Variants in DTNA observed in about 807,000 individuals in gnomAD.
DTNA encodes the protein dystrobrevin alpha.
Under a neutral mutation model 100.7 loss-of-function variants are expected in DTNA, and 43 were observed. The ratio of observed to expected loss-of-function variants is 0.43; its 90% CI spans 0.33 to 0.55. The LOEUF is 0.55. Ranked by LOEUF, DTNA falls within the 20% of genes least tolerant of loss-of-function variation. The probability of loss-of-function intolerance (pLI) is 0.04; values close to 1 mark genes in which losing one functional copy is unlikely to be tolerated. For synonymous variants in DTNA, 349 were observed against 347.9 expected (o/e 1.00, Z -0.04); for missense variants, 798 against 953.9 (o/e 0.84, Z 2.15).
At chr18:34,504,768 C>A (rs1053270123) in intron 1 of DTNA, among the ~76,000 whole-genome samples, 11 of 151,942 alleles carry the variant, frequency 7.2e-5, no homozygotes, top group African/African-American at 2.7e-4. Context: ...ACTTTTTTGT[C>A]TTTAATTTTC....
rs1197038874 is a variant in DTNA at position 34,866,316 on chromosome 18, A to G, written c.1743+2254A>G. Reference sequence around the variant, plus strand: ...GAGATATATAAATTTAGCATTTTTTATAACTATCACTACTATCCACATCAA... The same window carrying G: ...GAGATATATAAATTTAGCATTTTTTGTAACTATCACTACTATCCACATCAA... On this transcript the variant is annotated intron_variant, in intron 17 of 22. Transcript: ENST00000444659. 2.7e-6 allele frequency: 4 copies of G among 1,479,624 alleles called. No homozygotes were observed. In the Admixed American group the frequency reaches 9.5e-5, roughly 35 times the overall value. The allele number at this position is 1,479,624 out of a possible 1,614,324, so 91.7% of individuals were successfully genotyped here. A position where few individuals can be genotyped will look rare whatever the true frequency, so the allele number is the denominator to read the frequency against.
chr18:34,626,659 G>C (rs985769904), intron 1 of DTNA, among the ~76,000 whole-genome samples: 1 of 152,118 alleles, frequency 6.6e-6, no homozygotes, highest in African/African-American at 2.4e-5. Context: ...GGGAAGATCA[G>C]TTCAATTTCC....
chr18:34,510,462 A>T, intron 1 of DTNA, among the ~76,000 whole-genome samples: 1 of 151,636 alleles, frequency 6.6e-6, no homozygotes, highest in East Asian at 1.9e-4. Context: ...AAGACTGCAT[A>T]TTTCAGCTTT....
chr18:34,667,031 G>T (rs557224351), intron 1 of DTNA, among the ~76,000 whole-genome samples: 16 of 152,168 alleles, frequency 1.1e-4, no homozygotes, highest in Non-Finnish European at 1.9e-4. Flanking sequence ...CCATTTTCAC[G>T]ATATTGATTC....
At chr18:34,871,397 G>A (rs908072764) in intron 17 of DTNA, among the ~76,000 whole-genome samples, 3 of 152,150 alleles carry the variant, frequency 2.0e-5, no homozygotes, top group Admixed American at 6.5e-5. Context: ...TTTTAAATTT[G>A]CCAAGTGTGA....
chr18:34,755,904 C>A, intron 1 of DTNA, 72 bp from the exon 2 acceptor site: 1 of 1,339,250 alleles, frequency 7.5e-7, no homozygotes, highest in Non-Finnish European at 1.1e-6. Flanking sequence ...ACAGCAAGTA[C>A]GTTTACAGAG....
chr18:34,810,496 A>G (rs2095464001), intron 5 of DTNA, among the ~76,000 whole-genome samples: 1 of 149,928 alleles, frequency 6.7e-6, no homozygotes, highest in Non-Finnish European at 1.5e-5. Flanking sequence ...AACTGAACTC[A>G]TGGAAGTAGA....
intron 15 of DTNA, among the ~76,000 whole-genome samples, chr18:34,854,934 A>G (rs1386019103): frequency 6.6e-6 from 1 of 152,206 alleles, no homozygotes; most frequent in Non-Finnish European, 1.5e-5. Context: ...CAGGGTGACT[A>G]TTATCATCCC....
intron 1 of DTNA, among the ~76,000 whole-genome samples, chr18:34,729,286 A>G (rs1003021414): frequency 2.0e-5 from 3 of 152,232 alleles, no homozygotes; most frequent in African/African-American, 7.2e-5. Context: ...GGCAGCAAGG[A>G]GATTTGAACT....
rs555067212 is a variant in DTNA, at chr18:34,808,777, A to G, written c.448+2473A>G. Among the ~76,000 whole-genome samples, 4 of 152,328 alleles carry G rather than the reference A, an allele frequency of 2.6e-5. No individual in the cohort carries two copies. In the South Asian group the frequency reaches 6.2e-4, roughly 24 times the overall value. On this transcript the variant is annotated intron_variant, in intron 5 of 22. Coordinates refer to ENST00000444659, the MANE Select transcript of DTNA (RefSeq NM_001386795.1). ...AAGCACTCTCTAGTGGCCAAAGTCTATCCTCTTTAGGGCAGTGAAAGAAGC... is the reference window on the plus strand; with the variant it reads ...AAGCACTCTCTAGTGGCCAAAGTCTGTCCTCTTTAGGGCAGTGAAAGAAGC...
intron 1 of DTNA, among the ~76,000 whole-genome samples, chr18:34,613,290 C>T (rs2054589113): frequency 6.6e-6 from 1 of 152,190 alleles, no homozygotes; most frequent in African/African-American, 2.4e-5. Context: ...CCTCCAACCT[C>T]CCTATTCTCT....
At chr18:34,680,582 C>T (rs939081146) in intron 1 of DTNA, among the ~76,000 whole-genome samples, 6 of 152,138 alleles carry the variant, frequency 3.9e-5, no homozygotes, top group Non-Finnish European at 7.3e-5. Context: ...TTCCTTAATA[C>T]TTTTGATTAA....
chr18:34,718,430 C>T (rs948857679), intron 1 of DTNA, among the ~76,000 whole-genome samples: 2 of 152,122 alleles, frequency 1.3e-5, no homozygotes, highest in Non-Finnish European at 2.9e-5. Context: ...AAAAAGCAAT[C>T]GTCTGTTGAA....
Position 34,716,972 on chromosome 18 carries a change from G to T in DTNA, c.-2+6527G>T, listed in dbSNP as rs1366930216. On this transcript the variant is annotated intron_variant, in intron 1 of 22. Transcript: ENST00000444659. ...AAAATAACAAAATATTTTAAATAGG[G>T]TATACATTCCAATTATTAGTTTTTG... Among the ~76,000 whole-genome samples the T allele has an allele frequency of 2.6e-5, 4 of 152,188 alleles. No homozygotes were observed. In the East Asian group the frequency reaches 5.8e-4, roughly 22 times the overall value.
At chr18:34,665,681 T>G (rs934714891) in intron 1 of DTNA, among the ~76,000 whole-genome samples, 6 of 152,208 alleles carry the variant, frequency 3.9e-5, no homozygotes, top group Non-Finnish European at 5.9e-5. Context: ...GTGTTTGGTT[T>G]TTTGTCCTTG....
At chr18:34,607,594 G>A (rs922821148) in intron 1 of DTNA, among the ~76,000 whole-genome samples, 1 of 152,140 alleles carries the variant, frequency 6.6e-6, no homozygotes, top group Non-Finnish European at 1.5e-5. Context: ...CATAGTTTCA[G>A]CCCTTCCCCA....
chr18:34,534,534 G>T (rs1483315513), intron 1 of DTNA, among the ~76,000 whole-genome samples: 1 of 151,850 alleles, frequency 6.6e-6, no homozygotes, highest in Non-Finnish European at 1.5e-5. Flanking sequence ...ATGCAGGTTT[G>T]TTAGATAGGT....
intron 11 of DTNA, among the ~76,000 whole-genome samples, chr18:34,835,284 T>C (rs1391870006): frequency 6.6e-6 from 1 of 152,204 alleles, no homozygotes; most frequent in Admixed American, 6.5e-5. Context: ...GAAACTCATG[T>C]ATGTTCACGG....
intron 1 of DTNA, among the ~76,000 whole-genome samples, chr18:34,539,589 T>C (rs964605368): frequency 2.0e-5 from 3 of 152,000 alleles, no homozygotes; most frequent in East Asian, 3.9e-4. Flanking sequence ...TCCATCTCTG[T>C]TAACCTACCT....
Sources: gnomAD v4.1 joint callset for allele counts (sites outside exome capture counted in the v4.1 genomes callset) on GRCh38, gnomAD v4.1.1 for gene constraint, MANE v1.5 for transcripts, NCBI Gene and HGNC (gene_info 2026-07-23, HGNC 2026-07-21) for gene names.